The following KIAA1614 variants were observed in gnomAD, a reference collection of about 807,000 sequenced individuals.
The protein encoded by KIAA1614 is uncharacterized protein KIAA1614.
KIAA1614 carries 76 observed loss-of-function variants against 88.7 expected under a neutral mutation model. The observed-to-expected ratio is 0.86, with a 90% confidence interval of 0.71 to 1.04. The LOEUF (loss-of-function observed/expected upper bound fraction) is 1.04, where lower values mean the gene tolerates loss of function less well. Ranked by LOEUF, KIAA1614 falls within the 50% of genes least tolerant of loss-of-function variation. KIAA1614 has a pLI of 0.00. For synonymous variants in KIAA1614, 714 were observed against 675.5 expected, an observed-to-expected ratio of 1.06 and a Z score of -0.88; for missense variants, 1,553 against 1,582.5, an observed-to-expected ratio of 0.98 and a Z score of 0.32.
Position 180,913,240 on chromosome 1 carries a change from A to C in KIAA1614, c.-4A>C. On this transcript the variant is annotated 5_prime_UTR_variant, in exon 1 of 9. Coordinates refer to ENST00000367588, the MANE Select transcript of KIAA1614 (RefSeq NM_020950.2). ...GGCTGGAGAGGGCCTGGCCTCTCCG[A>C]GGGATGGAGGGGACAGAGGCGGCGG... The C allele has an allele frequency of 7.9e-7, 1 of 1,262,096 alleles. No homozygotes were observed. Among genetic ancestry groups the C allele is most frequent in the East Asian group, 3.2e-5 (1 of 31,682 alleles). The allele number at this position is 1,262,096 out of a possible 1,614,324, so 78.2% of individuals were successfully genotyped here.
At chr1:180,923,357 C>T (rs1415972095) in intron 3 of KIAA1614, among the ~76,000 whole-genome samples, 1 of 152,170 alleles carries the variant, frequency 6.6e-6, no homozygotes, top group Non-Finnish European at 1.5e-5. Flanking sequence ...AGCCACCAGC[C>T]GTCTCATTAC....
intron 1 of KIAA1614, among the ~76,000 whole-genome samples, chr1:180,914,611 G>A (rs1444842828): frequency 6.6e-6 from 1 of 152,058 alleles, no homozygotes; most frequent in Non-Finnish European, 1.5e-5. Flanking sequence ...GTGCAGTGGC[G>A]GGATCTCGCC....
chr1:180,943,038 T>TTGTTTGTTTGTTTG (rs1553260087), intron 7 of KIAA1614, among the ~76,000 whole-genome samples: 50 of 149,444 alleles, frequency 3.3e-4, no homozygotes, highest in African/African-American at 1.1e-3. Context: ...GTTTTTTTTT[T>TTGTTTGTTTGTTTG]TTTTTTAAGA....
chr1:180,940,841 A>G (rs979997098), intron 6 of KIAA1614, among the ~76,000 whole-genome samples: 15 of 151,896 alleles, frequency 9.9e-5, no homozygotes. Flanking sequence ...TCTCCCGAGT[A>G]GCTGGGACCA....
intron 7 of KIAA1614, among the ~76,000 whole-genome samples, chr1:180,942,423 G>A (rs1396234505): frequency 6.6e-6 from 1 of 152,228 alleles, no homozygotes; most frequent in Non-Finnish European, 1.5e-5. Context: ...GAGTGAAGCA[G>A]GTGAGAGCGG....
chr1:180,927,402 C>A (rs192898624), intron 3 of KIAA1614, among the ~76,000 whole-genome samples: 1 of 152,244 alleles, frequency 6.6e-6, no homozygotes, highest in Admixed American at 6.5e-5. Flanking sequence ...GGGTGCGGAA[C>A]GATGCTGGAG....
Position 180,945,943 on chromosome 1 carries a change from A to T in KIAA1614, c.*355A>T. ...CACATGGTGAAACCCATGTCTACTA[A>T]AAATACAAAATTAGCTGGGCGTGGT... On this transcript the variant is annotated 3_prime_UTR_variant, in exon 9 of 9. Coordinates refer to ENST00000367588, the MANE Select transcript of KIAA1614 (RefSeq NM_020950.2). 3.2e-6 allele frequency: 1 copy of T among 317,376 alleles called. No individual in the cohort carries two copies. Among genetic ancestry groups the T allele is most frequent in the South Asian group, 1.1e-4 (1 of 8,956 alleles). The allele number at this position is 317,376 out of a possible 1,614,324, so 19.7% of individuals were successfully genotyped here.
intron 3 of KIAA1614, among the ~76,000 whole-genome samples, chr1:180,918,744 G>A (rs1214854285): frequency 2.0e-5 from 3 of 152,266 alleles, no homozygotes; most frequent in South Asian, 2.1e-4. Context: ...GGTGTAAGGC[G>A]GCTCCTGCAC....
chr1:180,916,822 G>A lies in KIAA1614; in HGVS notation c.719G>A (p.Arg240Lys), dbSNP rs371420142. ...IIHIPSPRTG[R>K]SYPFPDGVVT... Reference sequence around the variant, plus strand: ...CACATTCCCAGCCCAAGGACAGGAAGGTCCTACCCTTTTCCAGATGGCGTG... The same window carrying A: ...CACATTCCCAGCCCAAGGACAGGAAAGTCCTACCCTTTTCCAGATGGCGTG... The change falls in exon 2 of 9, where the codon AGG becomes AAG. Residue 240 changes from arginine (R) to lysine (K), a missense_variant. Transcript: ENST00000367588. The A allele has an allele frequency of 5.6e-6, 9 of 1,614,144 alleles. No individual in the cohort carries two copies. The African/African-American group carries it at 1.2e-4, about 22-fold the overall frequency.
chr1:180,929,896 G>T (rs1654155361), intron 4 of KIAA1614, among the ~76,000 whole-genome samples: 1 of 152,204 alleles, frequency 6.6e-6, no homozygotes, highest in Non-Finnish European at 1.5e-5. Context: ...AGGGATCTTG[G>T]TGGAACTGGA....
At chr1:180,929,757 TCAC>T (rs546193465) in intron 4 of KIAA1614, among the ~76,000 whole-genome samples, 1 of 152,238 alleles carries the variant, frequency 6.6e-6, no homozygotes, top group Non-Finnish European at 1.5e-5. Context: ...ATGCCAGGTC[TCAC>T]CAGGCCCAAG....
Position 180,950,451 on chromosome 1 carries a change from G to C in KIAA1614, c.*4863G>C, listed in dbSNP as rs1314930884. 1.7e-6 allele frequency: 2 copies of C among 1,179,862 alleles called. No individual in the cohort carries two copies. The highest frequency in any genetic ancestry group is 2.1e-6 in the Non-Finnish European group (2 of 933,524). The allele number at this position is 1,179,862 out of a possible 1,614,324, so 73.1% of individuals were successfully genotyped here. A position where few individuals can be genotyped will look rare whatever the true frequency, so the allele number is the denominator to read the frequency against. ...AACGGGGCCAAGGTGGCAGGGCTGG[G>C]CTTGGCTCACATTAAGGAGCTCCTG... On this transcript the variant is annotated 3_prime_UTR_variant, in exon 9 of 9. Transcript: ENST00000367588.
intron 6 of KIAA1614, among the ~76,000 whole-genome samples, chr1:180,940,704 C>T (rs1654439770): frequency 6.7e-6 from 1 of 148,552 alleles, no homozygotes; most frequent in African/African-American, 2.5e-5. Context: ...TTCCTTCTTT[C>T]TTCTCTTCCT....
At chr1:180,922,164 G>A (rs1376001432) in intron 3 of KIAA1614, among the ~76,000 whole-genome samples, 1 of 152,262 alleles carries the variant, frequency 6.6e-6, no homozygotes, top group East Asian at 1.9e-4. Context: ...GACCTTCTCT[G>A]TATGTGTGAT....
chr1:180,922,355 A>C (rs1435008049), intron 3 of KIAA1614, among the ~76,000 whole-genome samples: 1 of 152,194 alleles, frequency 6.6e-6, no homozygotes, highest in East Asian at 1.9e-4. Flanking sequence ...GGGGATCCAC[A>C]AGCCCAGTCC....
rs771999267 is a variant in KIAA1614, at chr1:180,950,370, G to A, written c.*4782G>A. ...TACGTGCAGGAGATGGCTGACATGA[G>A]CATGGCCAAGCTGTACTCAGGGCTG... On this transcript the variant is annotated 3_prime_UTR_variant, in exon 9 of 9. Transcript: ENST00000367588. 1 of 1,231,364 alleles carries A rather than the reference G, an allele frequency of 8.1e-7. No individual in the cohort carries two copies. Among genetic ancestry groups the A allele is most frequent in the South Asian group, 1.3e-5 (1 of 74,396 alleles). 76.3% of individuals were successfully genotyped at this position (1,231,364 alleles called of 1,614,324 possible).
In KIAA1614 at chr1:180,936,369, G is replaced by A; in HGVS notation, c.2460G>A (p.Val820=). ...PPPSRKTTSP[V]SHRKAALAGL... ...CTTCGAGGAAAACCACCTCGCCAGT[G>A]TCTCACAGGAAGGCAGCCCTGGCTG... is the stretch of plus-strand genomic sequence containing the variant. Residue 820 remains valine, a synonymous_variant, in exon 5 of 9, where the codon GTG becomes GTA. Coordinates refer to ENST00000367588, the MANE Select transcript of KIAA1614 (RefSeq NM_020950.2). 6.2e-7 allele frequency: 1 copy of A among 1,614,150 alleles called. No homozygotes were observed. The highest frequency in any genetic ancestry group is 1.7e-5 in the Admixed American group (1 of 60,026).
At chr1:180,914,274 C>T (rs1422102803) in intron 1 of KIAA1614, among the ~76,000 whole-genome samples, 1 of 152,224 alleles carries the variant, frequency 6.6e-6, no homozygotes, top group Non-Finnish European at 1.5e-5. Context: ...CAAACCCCTG[C>T]TCACCTTCAT....
intron 3 of KIAA1614, among the ~76,000 whole-genome samples, chr1:180,918,150 AGC>A (rs1653862171): frequency 6.6e-6 from 1 of 152,122 alleles, no homozygotes; most frequent in African/African-American, 2.4e-5. Context: ...CAGGGAACAA[AGC>A]GCATTGCTAA....
Sources: gnomAD v4.1 joint callset for allele counts (sites outside exome capture counted in the v4.1 genomes callset) on GRCh38, gnomAD v4.1.1 for gene constraint, MANE v1.5 for transcripts, NCBI Gene and HGNC (gene_info 2026-07-23, HGNC 2026-07-21) for gene names.